Variants in CENPC observed in about 807,000 individuals in gnomAD.
The protein encoded by CENPC is CENP-C 1.
In CENPC, 63 loss-of-function variants were observed where a neutral mutation model predicts 112.1. The observed-to-expected ratio is 0.56, with a 90% CI of 0.46 to 0.69. The LOEUF (loss-of-function observed/expected upper bound fraction) is 0.69, where lower values mean the gene tolerates loss of function less well. CENPC is among the 30% of genes least tolerant of loss of function. CENPC has a pLI of 0.00. For missense variants in CENPC, 1,000 were observed against 1,103.8 expected (o/e 0.91, Z 1.33); for synonymous variants, 333 against 367.6 (o/e 0.91, Z 1.08).
chr4:67,520,694 T>C (rs1260817195), intron 5 of CENPC, among the ~76,000 whole-genome samples: 1 of 152,010 alleles, frequency 6.6e-6, no homozygotes, highest in African/African-American at 2.4e-5. Context: ...CACTTAACTA[T>C]CATTGAAAAT....
In CENPC at chr4:67,508,875, T is replaced by C. The variant is rs1442661199; in HGVS notation, c.1843A>G (p.Ser615Gly). 6.2e-7 allele frequency: 1 copy of C among 1,613,690 alleles called. No homozygotes were observed. The highest frequency in any genetic ancestry group is 1.1e-5 in the South Asian group (1 of 91,074). Residue 615 changes from serine (S) to glycine (G), a missense_variant, in exon 10 of 19, where the codon AGT becomes GGT. Ser to Gly is a moderately conservative substitution (Grantham distance 56). Transcript: ENST00000273853. ...GHDEISRCSL[S>G]EPLESDEADL... ...GCCTCATCACTTTCCAATGGCTCAC[T>C]CAGCGAACATCTGGAAATTTCATCA...
At chr4:67,512,299 G>T in intron 9 of CENPC, 103 bp downstream of exon 9, 1 of 788,534 alleles carries the variant, frequency 1.3e-6, no homozygotes, top group Non-Finnish European at 2.0e-6. Flanking sequence ...AATTTAACTT[G>T]GTCCTCATGA....
intron 17 of CENPC, among the ~76,000 whole-genome samples, chr4:67,476,756 C>A (rs879020502): frequency 5.8e-4 from 88 of 152,336 alleles, no homozygotes; most frequent in Admixed American, 4.9e-3. Flanking sequence ...GCTTTCTCAG[C>A]AGGGAGACTT....
At chr4:67,545,195 A>G in intron 1 of CENPC, 143 bp downstream of exon 1, 1 of 739,998 alleles carries the variant, frequency 1.4e-6, no homozygotes, top group Non-Finnish European at 2.0e-6. Flanking sequence ...ATCACACTTG[A>G]TTTCAAAAAT....
At chr4:67,477,067 T>A (rs1724824877) in intron 17 of CENPC, among the ~76,000 whole-genome samples, 1 of 152,182 alleles carries the variant, frequency 6.6e-6, no homozygotes, top group Admixed American at 6.5e-5. Context: ...TACCTGCACC[T>A]GATGGTCTTT....
chr4:67,485,214 A>ATTT (rs1331063402), intron 17 of CENPC, among the ~76,000 whole-genome samples: 6 of 152,206 alleles, frequency 3.9e-5, no homozygotes, highest in African/African-American at 1.4e-4. Context: ...CAAAAAGCTA[A>ATTT]ATCCCTATTC....
At chr4:67,526,162 G>A (rs866787314) in intron 5 of CENPC, among the ~76,000 whole-genome samples, 12 of 152,092 alleles carry the variant, frequency 7.9e-5, no homozygotes, top group Middle Eastern at 3.4e-3. Flanking sequence ...ACCAGGGCCT[G>A]TGGTGGGGGG....
At position 67,505,188 on chromosome 4, in the gene CENPC, A is replaced by G; in HGVS notation, c.2131+17T>C. 6.5e-7 allele frequency: 1 copy of G among 1,533,570 alleles called. No individual in the cohort carries two copies. Among genetic ancestry groups the G allele is most frequent in the East Asian group, 2.3e-5 (1 of 42,898 alleles). The allele number at this position is 1,533,570 out of a possible 1,614,324, so 95.0% of individuals were successfully genotyped here. Reference sequence around the variant, plus strand: ...TAATGCCATAAAAATCAAGACAGAAAAAAAACAATAGTTTACCTGAACTTC... The same window carrying G: ...TAATGCCATAAAAATCAAGACAGAAGAAAAACAATAGTTTACCTGAACTTC... On this transcript the variant is annotated intron_variant, in intron 12 of 18. Transcript: ENST00000273853.
intron 17 of CENPC, among the ~76,000 whole-genome samples, chr4:67,481,553 T>C (rs1724958108): frequency 6.6e-6 from 1 of 152,064 alleles, no homozygotes; most frequent in Non-Finnish European, 1.5e-5. Flanking sequence ...GAAATGAACA[T>C]AGGCACATAG....
At chr4:67,531,501 C>T (rs1049462512) in intron 4 of CENPC, among the ~76,000 whole-genome samples, 3 of 152,202 alleles carry the variant, frequency 2.0e-5, no homozygotes, top group Non-Finnish European at 4.4e-5. Flanking sequence ...GAAGGTTGCA[C>T]CTGCTGCGCC....
intron 16 of CENPC, 31 bp downstream of exon 16, chr4:67,492,149 T>A: frequency 7.4e-7 from 1 of 1,358,652 alleles, no homozygotes; most frequent in Non-Finnish European, 1.0e-6. Context: ...ATTGTTTAAT[T>A]AAGTATTTTC....
At chr4:67,543,328 T>C (rs1259124782) in intron 2 of CENPC, among the ~76,000 whole-genome samples, 1 of 152,194 alleles carries the variant, frequency 6.6e-6, no homozygotes, top group Non-Finnish European at 1.5e-5. Context: ...ATGTCTGGAA[T>C]ATACTTTATC....
intron 17 of CENPC, among the ~76,000 whole-genome samples, chr4:67,485,986 C>G (rs1342658837): frequency 6.6e-6 from 1 of 151,938 alleles, no homozygotes; most frequent in Non-Finnish European, 1.5e-5. Flanking sequence ...GGGAAAAAAG[C>G]CCCCCGAAAT....
At chr4:67,497,708 T>A (rs1189058861) in intron 12 of CENPC, among the ~76,000 whole-genome samples, 2 of 152,054 alleles carry the variant, frequency 1.3e-5, no homozygotes, top group Non-Finnish European at 1.5e-5. Flanking sequence ...AATTTTTGTA[T>A]TTTTTGTAGA....
At chr4:67,486,365 C>A (rs1725094000) in intron 17 of CENPC, among the ~76,000 whole-genome samples, 1 of 152,108 alleles carries the variant, frequency 6.6e-6, no homozygotes, top group Non-Finnish European at 1.5e-5. Context: ...AAAAACATAA[C>A]CGCAATACTG....
At chr4:67,538,690 A>G (rs1437540609) in intron 4 of CENPC, among the ~76,000 whole-genome samples, 1 of 152,230 alleles carries the variant, frequency 6.6e-6, no homozygotes, top group Non-Finnish European at 1.5e-5. Context: ...AATATTGATC[A>G]GAGAATGCGT....
In CENPC at chr4:67,495,173, A is replaced by C. The variant is rs1475616943; in HGVS notation, c.2171T>G (p.Ile724Ser). ...AATATTCTTACCTAGTTTGTGATGG[A>C]TTCTGTTCTTTGGTATCACTTTAGA... is the stretch of plus-strand genomic sequence containing the variant. ...KQSKVIPKNRIHHKLVLPSNT... is the reference protein window; with the variant it reads ...KQSKVIPKNRSHHKLVLPSNT... The change falls in exon 13 of 19, where the codon ATC (isoleucine) becomes AGC (serine). Residue 724 changes from isoleucine (I) to serine (S), a missense_variant. By Grantham distance (142) the Ile-to-Ser change is moderately radical. Coordinates refer to ENST00000273853, the MANE Select transcript of CENPC (RefSeq NM_001812.4). 6.5e-7 allele frequency: 1 copy of C among 1,530,348 alleles called. No homozygotes were observed. Among genetic ancestry groups the C allele is most frequent in the Non-Finnish European group, 8.8e-7 (1 of 1,140,330 alleles). 94.8% of individuals were successfully genotyped at this position (1,530,348 alleles called of 1,614,324 possible). A position where few individuals can be genotyped will look rare whatever the true frequency, so the allele number is the denominator to read the frequency against.
At chr4:67,518,641 A>C (rs1305899851) in intron 6 of CENPC, among the ~76,000 whole-genome samples, 3 of 152,226 alleles carry the variant, frequency 2.0e-5, no homozygotes, top group Non-Finnish European at 4.4e-5. Flanking sequence ...AATGGTTCTC[A>C]GGGCAATCTT....
At chr4:67,504,173 C>G (rs62301094) in intron 12 of CENPC, among the ~76,000 whole-genome samples, 32,574 of 149,716 alleles carry the variant, frequency 0.22, 3,558 homozygotes, top group South Asian at 0.27. Context: ...GGAGACCAAG[C>G]TCTTAACTAA....
Sources: allele counts gnomAD v4.1 joint callset (sites outside exome capture counted in the v4.1 genomes callset), GRCh38; gene constraint gnomAD v4.1.1; transcripts MANE v1.5; gene names NCBI Gene and HGNC (gene_info 2026-07-23, HGNC 2026-07-21).